The following KHDC1 variants were observed in gnomAD, a reference collection of about 807,000 sequenced individuals.
KHDC1 encodes the protein KH domain containing 1, also known as KH homology domain-containing protein 1.
A neutral mutation model predicts 24.7 loss-of-function variants in KHDC1; 21 were observed. That is an observed-to-expected ratio of 0.85 (90% CI 0.60 to 1.23). The LOEUF is 1.23. Among genes scored for constraint, KHDC1 ranks in the 50% most tolerant of loss-of-function variants. The pLI, the probability that KHDC1 is intolerant of heterozygous loss-of-function variation, is 0.00. For missense variants in KHDC1, 274 were observed against 298.5 expected (o/e 0.92, Z 0.61); for synonymous variants, 98 against 111.7 (o/e 0.88, Z 0.77).
intron 2 of KHDC1, among the ~76,000 whole-genome samples, chr6:73,260,139 C>A (rs1396933352): frequency 3.3e-5 from 5 of 152,072 alleles, no homozygotes; most frequent in Non-Finnish European, 7.4e-5. Context: ...GCTATTGTGC[C>A]TTTATGCCTT....
chr6:73,278,066 C>G (rs1228677429), intron 2 of KHDC1, among the ~76,000 whole-genome samples: 1 of 130,474 alleles, frequency 7.7e-6, no homozygotes, highest in African/African-American at 2.9e-5. Context: ...AGCTGGAGTG[C>G]GGTGGTGCGA....
intron 2 of KHDC1, 124 bp from the exon 2 acceptor site, chr6:73,242,654 T>C (rs6453662): frequency 0.22 from 256,081 of 1,148,992 alleles, 34,126 homozygotes; most frequent in African/African-American, 0.6. Context: ...TACCTTAGGG[T>C]GGGTGTACAA....
chr6:73,258,471 A>G (rs1298452750), intron 2 of KHDC1, among the ~76,000 whole-genome samples: 1 of 152,126 alleles, frequency 6.6e-6, no homozygotes, highest in Non-Finnish European at 1.5e-5. Context: ...AAATATCTAG[A>G]ATAAGCAAAT....
At chr6:73,283,350 AG>A (rs1301291053) in intron 2 of KHDC1, among the ~76,000 whole-genome samples, 1 of 150,520 alleles carries the variant, frequency 6.6e-6, no homozygotes, top group African/African-American at 2.4e-5. Flanking sequence ...AAAAAGAAGC[AG>A]CTTGTGGTTT....
At chr6:73,249,624 G>A (rs1766742552) in intron 2 of KHDC1, among the ~76,000 whole-genome samples, 1 of 152,186 alleles carries the variant, frequency 6.6e-6, no homozygotes, top group Non-Finnish European at 1.5e-5. Flanking sequence ...AGGAAGGAGA[G>A]GAGCCCTGGT....
chr6:73,248,085 G>T (rs897643661), intron 2 of KHDC1, among the ~76,000 whole-genome samples: 10 of 152,120 alleles, frequency 6.6e-5, no homozygotes, highest in African/African-American at 2.4e-4. Flanking sequence ...GTCTGTTCAG[G>T]GACAGCAGTG....
At chr6:73,298,710 G>T (rs987284432) in intron 1 of KHDC1, among the ~76,000 whole-genome samples, 2 of 151,754 alleles carry the variant, frequency 1.3e-5, no homozygotes, top group Admixed American at 6.6e-5. Context: ...TGGGATTACA[G>T]GCTTGAGCCA....
intron 1 of KHDC1, among the ~76,000 whole-genome samples, chr6:73,298,053 T>C (rs1051725115): frequency 2.6e-5 from 4 of 151,868 alleles, no homozygotes; most frequent in African/African-American, 7.3e-5. Context: ...TAGCCGGGCA[T>C]GGTGGGGCAT....
At chr6:73,280,721 T>C (rs1767388080) in intron 2 of KHDC1, among the ~76,000 whole-genome samples, 1 of 151,836 alleles carries the variant, frequency 6.6e-6, no homozygotes, top group African/African-American at 2.4e-5. Context: ...GGTTTCTCCA[T>C]ATTGGTCAGG....
At chr6:73,285,835 G>T (rs1405682388) in intron 2 of KHDC1, among the ~76,000 whole-genome samples, 1 of 152,028 alleles carries the variant, frequency 6.6e-6, no homozygotes, top group Non-Finnish European at 1.5e-5. Flanking sequence ...AGGCTTTCCA[G>T]ATTTTGGTCA....
At chr6:73,305,439 A>G (rs1767946180) in intron 1 of KHDC1, among the ~76,000 whole-genome samples, 1 of 152,062 alleles carries the variant, frequency 6.6e-6, no homozygotes, top group African/African-American at 2.4e-5. Flanking sequence ...GAGTGACTTT[A>G]GATAAGTTTT....
exon 1 of KHDC1, chr6:73,309,598 G>C (rs1233527775): frequency 1.3e-6 from 2 of 1,547,152 alleles, no homozygotes; most frequent in African/African-American, 1.4e-5. Flanking sequence ...TCCCGATCAG[G>C]AGCATCGCAA....
At chr6:73,292,790 C>A (rs545597705) in intron 1 of KHDC1, 1 of 714,868 alleles carries the variant, frequency 1.4e-6, no homozygotes, top group South Asian at 1.4e-5. Context: ...AGTTACTCAA[C>A]AGGAGTCTTA....
intron 2 of KHDC1, chr6:73,270,608 G>A (rs1043752761): frequency 2.0e-5 from 3 of 151,992 alleles, no homozygotes; most frequent in African/African-American, 4.8e-5. Flanking sequence ...ACTACACCCA[G>A]TTGACAATAT....
intron 2 of KHDC1, among the ~76,000 whole-genome samples, chr6:73,289,333 C>CAAAAAAAAAAA (rs60179008): frequency 1.6e-5 from 1 of 62,650 alleles, no homozygotes; most frequent in African/African-American, 5.8e-5. Flanking sequence ...GACTCCATCT[C>CAAAAAAAAAAA]AAAAAAAAAA....
At chr6:73,246,354 A>G (rs905852061) in intron 2 of KHDC1, among the ~76,000 whole-genome samples, 2 of 152,234 alleles carry the variant, frequency 1.3e-5, no homozygotes, top group African/African-American at 4.8e-5. Flanking sequence ...GACTACTTGA[A>G]AAATTCTAGT....
rs572137409 is a variant in KHDC1, at chr6:73,302,123, C to A, written c.163+7429G>T. 3.3e-5 allele frequency among the ~76,000 whole-genome samples: 5 copies of A among 151,982 alleles called. No homozygotes were observed. In the East Asian group the frequency reaches 9.7e-4, roughly 29 times the overall value. Reference sequence around the variant, plus strand: ...ACCAACTGGTGAAACCCCACCTCTACTAAAAAAATACAAAAATTAACTGGA... The same window carrying A: ...ACCAACTGGTGAAACCCCACCTCTAATAAAAAAATACAAAAATTAACTGGA... On this transcript the variant is annotated intron_variant, in intron 1 of 4. Coordinates refer to ENST00000370384, the Ensembl canonical transcript of KHDC1.
In KHDC1 at chr6:73,292,659, T is replaced by A. The variant is rs1582584107; in HGVS notation, c.164-619A>T. 4.0e-6 allele frequency: 3 copies of A among 753,666 alleles called. No individual in the cohort carries two copies. The East Asian group carries it at 7.4e-5, about 19-fold the overall frequency. 46.7% of individuals were successfully genotyped at this position (753,666 alleles called of 1,614,324 possible). On this transcript the variant is annotated intron_variant, in intron 1 of 4. Coordinates refer to ENST00000370384, the Ensembl canonical transcript of KHDC1. Reference sequence around the variant, plus strand: ...CCAAAGGTTGTGATAATATTGTTGATCTCTTCCTTTACCAGCCACAGCATC... The same window carrying A: ...CCAAAGGTTGTGATAATATTGTTGAACTCTTCCTTTACCAGCCACAGCATC...
At chr6:73,242,691 C>T (rs1766596663) in intron 2 of KHDC1, 161 bp from the exon 2 acceptor site, 1 of 772,404 alleles carries the variant, frequency 1.3e-6, no homozygotes, top group Non-Finnish European at 2.0e-6. Context: ...CAAGATAATT[C>T]ATTCCAAGTA....
Sources: allele counts gnomAD v4.1 joint callset (sites outside exome capture counted in the v4.1 genomes callset), GRCh38; gene constraint gnomAD v4.1.1; transcripts MANE v1.5; gene names NCBI Gene and HGNC (gene_info 2026-07-23, HGNC 2026-07-21).